The following CPVL variants were observed in gnomAD, a reference collection of about 807,000 sequenced individuals.
CPVL encodes probable serine carboxypeptidase CPVL.
In CPVL, 51 loss-of-function variants were observed where a neutral mutation model predicts 63.7. The observed-to-expected ratio is 0.80, with a 90% CI of 0.64 to 1.01. The LOEUF (loss-of-function observed/expected upper bound fraction) is 1.01. CPVL is among the 50% of genes least tolerant of loss of function. CPVL has a pLI of 0.00. For missense variants in CPVL, 530 were observed against 573.1 expected (o/e 0.92, Z 0.77); for synonymous variants, 195 against 206.0 (o/e 0.95, Z 0.46).
intron 1 of CPVL, among the ~76,000 whole-genome samples, chr7:29,132,288 G>T (rs960618605): frequency 6.6e-6 from 1 of 152,130 alleles, no homozygotes; most frequent in Admixed American, 6.5e-5. Flanking sequence ...GGAGTGGTTC[G>T]AAGGGGGATC....
intron 11 of CPVL, among the ~76,000 whole-genome samples, chr7:29,063,819 G>A (rs903663524): frequency 1.3e-5 from 2 of 152,016 alleles, no homozygotes; most frequent in East Asian, 1.9e-4. Context: ...TGATCCACCC[G>A]CCTCAGGCTC....
chr7:29,139,130 G>A (rs746609876), intron 1 of CPVL, among the ~76,000 whole-genome samples: 1 of 152,148 alleles, frequency 6.6e-6, no homozygotes, highest in Non-Finnish European at 1.5e-5. Context: ...GGATGGCTGC[G>A]GGCTCCCTAT....
chr7:29,092,351 A>G (rs1785903865), intron 6 of CPVL, among the ~76,000 whole-genome samples: 2 of 152,328 alleles, frequency 1.3e-5, no homozygotes, highest in Admixed American at 1.3e-4. Flanking sequence ...CAAATATCTG[A>G]AAAGATGTTG....
In CPVL at chr7:29,159,746, C is replaced by T. The variant is rs140361253; in HGVS notation, c.-11+21544G>A. Among the ~76,000 whole-genome samples, 398 of 152,310 alleles carry T rather than the reference C, an allele frequency of 2.6e-3. 1 individual carries two copies. The highest frequency in any genetic ancestry group is 9.0e-3 in the African/African-American group (375 of 41,572). On this transcript the variant is annotated intron_variant, in intron 5 of 16. Transcript: ENST00000409850. ...TGATCCCTTTTACTCTGTCCTGTCT[C>T]TTCTTCAAAGCACCTATCACCTGCT...
At chr7:29,010,949 T>C (rs966261574) in intron 12 of CPVL, 27 of 152,202 alleles carry the variant, frequency 1.8e-4, no homozygotes, top group African/African-American at 5.5e-4. Context: ...ATACAGCTGG[T>C]ACATGGTAGA....
chr7:29,180,189 T>C (rs1015141019), intron 5 of CPVL, among the ~76,000 whole-genome samples: 1 of 152,178 alleles, frequency 6.6e-6, no homozygotes, highest in African/African-American at 2.4e-5. Flanking sequence ...AATAATATTG[T>C]GAATCAAATT....
At chr7:29,124,472 T>C (rs1789767717) in intron 1 of CPVL, among the ~76,000 whole-genome samples, 1 of 152,144 alleles carries the variant, frequency 6.6e-6, no homozygotes, top group Non-Finnish European at 1.5e-5. Context: ...GTCAAAAGTA[T>C]ATAATTTGCT....
chr7:29,099,576 G>A (rs1324539958), intron 3 of CPVL, among the ~76,000 whole-genome samples: 2 of 152,166 alleles, frequency 1.3e-5, no homozygotes, highest in Non-Finnish European at 2.9e-5. Context: ...GCTGGGCATG[G>A]TGGCAGATGC....
chr7:29,128,735 A>T (rs1790360347), intron 1 of CPVL, among the ~76,000 whole-genome samples: 1 of 150,366 alleles, frequency 6.7e-6, no homozygotes, highest in African/African-American at 2.5e-5. Flanking sequence ...AAAAAATTAA[A>T]AAAAAGAAAA....
upstream of CPVL, among the ~76,000 whole-genome samples, chr7:29,151,482 T>C (rs1455375979): frequency 1.3e-5 from 2 of 152,188 alleles, no homozygotes; most frequent in Non-Finnish European, 2.9e-5. Flanking sequence ...GGGATTAATA[T>C]AGACATGGCC....
intron 12 of CPVL, among the ~76,000 whole-genome samples, chr7:29,023,281 G>A (rs1039266393): frequency 1.7e-4 from 26 of 152,186 alleles, no homozygotes; most frequent in African/African-American, 6.0e-4. Flanking sequence ...GCTGTGGCAG[G>A]GGGGCTCACA....
chr7:29,098,022 C>CAGTG (rs1341756415), intron 3 of CPVL, among the ~76,000 whole-genome samples: 14 of 152,196 alleles, frequency 9.2e-5, no homozygotes, highest in Non-Finnish European at 1.6e-4. Context: ...CAGGACCTAA[C>CAGTG]AGTGGGCCCT....
At chr7:29,100,331 A>G (rs1200387703) in intron 3 of CPVL, among the ~76,000 whole-genome samples, 3 of 152,214 alleles carry the variant, frequency 2.0e-5, no homozygotes, top group Non-Finnish European at 4.4e-5. Context: ...ACTACTGCCT[A>G]GGCCCAAATC....
intron 1 of CPVL, chr7:29,128,101 T>C (rs1349916616): frequency 6.6e-6 from 1 of 151,708 alleles, no homozygotes; most frequent in Admixed American, 6.6e-5. Context: ...GGGGTGGCTG[T>C]GACACCCCAC....
At chr7:29,070,441 G>A (rs1783627239) in intron 9 of CPVL, among the ~76,000 whole-genome samples, 1 of 152,132 alleles carries the variant, frequency 6.6e-6, no homozygotes, top group South Asian at 2.1e-4. Flanking sequence ...TTGGTCTCAT[G>A]CCACATAAAA....
chr7:29,037,358 C>G (rs1260909179), intron 11 of CPVL, among the ~76,000 whole-genome samples: 1 of 151,342 alleles, frequency 6.6e-6, no homozygotes, highest in African/African-American at 2.4e-5. Context: ...TCCTGGCTAA[C>G]ACGGTGAAAC....
intron 11 of CPVL, among the ~76,000 whole-genome samples, chr7:29,045,781 G>T (rs1256851098): frequency 2.0e-5 from 3 of 152,156 alleles, no homozygotes; most frequent in Non-Finnish European, 4.4e-5. Flanking sequence ...GATGGAAAAT[G>T]CCACAAGCAA....
intron 3 of CPVL, among the ~76,000 whole-genome samples, chr7:29,104,772 G>A (rs1023870701): frequency 6.6e-6 from 1 of 152,164 alleles, no homozygotes; most frequent in Non-Finnish European, 1.5e-5. Flanking sequence ...TACTTTATAA[G>A]GAATAGGGAA....
upstream of CPVL, chr7:29,146,609 G>C (rs1792713638): frequency 8.4e-6 from 13 of 1,550,490 alleles, no homozygotes; most frequent in Non-Finnish European, 1.1e-5. Flanking sequence ...AGGGCAAAAA[G>C]TGCGTCGTCG....
Sources: allele counts gnomAD v4.1 joint callset (sites outside exome capture counted in the v4.1 genomes callset), GRCh38; gene constraint gnomAD v4.1.1; transcripts MANE v1.5; gene names NCBI Gene and HGNC (gene_info 2026-07-23, HGNC 2026-07-21).